Variants in CNTNAP2 observed in about 807,000 individuals in gnomAD.
The protein encoded by CNTNAP2 is contactin-associated protein-like 2.
In CNTNAP2, 98 loss-of-function variants were observed where a neutral mutation model predicts 155.2. The ratio of observed to expected loss-of-function variants is 0.63; its 90% CI spans 0.54 to 0.75. The LOEUF is 0.75. Among genes scored for constraint, CNTNAP2 ranks in the 30% least tolerant of loss-of-function variants. CNTNAP2 has a pLI of 0.00. For synonymous variants in CNTNAP2, 651 were observed against 631.2 expected (o/e 1.03, Z -0.47); for missense variants, 1,727 against 1,688.1 (o/e 1.02, Z -0.40).
Position 146,179,208 on chromosome 7 carries a change from T to C in CNTNAP2, c.97+62235T>C, listed in dbSNP as rs1011992366. Among the ~76,000 whole-genome samples, 6 of 152,262 alleles carry C rather than the reference T, an allele frequency of 3.9e-5. No homozygotes were observed. In the East Asian group the frequency reaches 7.7e-4, roughly 20 times the overall value. On this transcript the variant is annotated intron_variant, in intron 1 of 23. Coordinates refer to ENST00000361727, the MANE Select transcript of CNTNAP2 (RefSeq NM_014141.6). ...TGGTTTTGGAGTGGATAATGAAAGC[T>C]ATGATCAGATGAAAGTGTTGCAGAT...
At chr7:148,265,136 G>C (rs1444812277) in intron 20 of CNTNAP2, among the ~76,000 whole-genome samples, 1 of 152,222 alleles carries the variant, frequency 6.6e-6, no homozygotes, top group African/African-American at 2.4e-5. Flanking sequence ...TGCGGTGGCA[G>C]TTACCCATGG....
chr7:146,968,161 C>G (rs1402625287), intron 3 of CNTNAP2, among the ~76,000 whole-genome samples: 2 of 151,204 alleles, frequency 1.3e-5, no homozygotes, highest in Non-Finnish European at 3.0e-5. Context: ...GGATGAAGCC[C>G]ACTTGATCAT....
intron 1 of CNTNAP2, among the ~76,000 whole-genome samples, chr7:146,712,591 A>G (rs1034667609): frequency 2.0e-5 from 3 of 151,122 alleles, no homozygotes; most frequent in Non-Finnish European, 3.0e-5. Context: ...CAGTCTCTTC[A>G]CATATATGCC....
intron 1 of CNTNAP2, among the ~76,000 whole-genome samples, chr7:146,351,633 A>G (rs1794916448): frequency 6.6e-6 from 1 of 152,176 alleles, no homozygotes; most frequent in South Asian, 2.1e-4. Context: ...TTATGTTCAG[A>G]CAGTTGAATT....
rs192751411 is a variant in CNTNAP2 at position 148,345,317 on chromosome 7, G to A, written c.3476-38332G>A. Reference sequence around the variant, plus strand: ...AGCCTATAACCCACAGCATCTGGACGAATACTGAGCGCTGTCACTAGATTC... The same window carrying A: ...AGCCTATAACCCACAGCATCTGGACAAATACTGAGCGCTGTCACTAGATTC... On this transcript the variant is annotated intron_variant, in intron 21 of 23. Transcript: ENST00000361727. Among the ~76,000 whole-genome samples the A allele has an allele frequency of 1.9e-3, 291 of 152,080 alleles. 1 individual carries two copies. Among genetic ancestry groups the A allele is most frequent in the African/African-American group, 6.6e-3 (275 of 41,492 alleles).
rs559857757 is a variant in CNTNAP2, at chr7:147,536,014, C to T, written c.1778-26124C>T. ...CAGACAGGAAGAGGAGAGAAATCCA[C>T]ACATACTCACCCCAGTAGGGGAAGA... On this transcript the variant is annotated intron_variant, in intron 11 of 23. Transcript: ENST00000361727. 4.0e-4 allele frequency among the ~76,000 whole-genome samples: 61 copies of T among 152,278 alleles called. No homozygotes were observed. In the South Asian group the frequency reaches 8.7e-3, roughly 22 times the overall value.
intron 16 of CNTNAP2, chr7:148,133,568 C>T (rs1298221765): frequency 1.3e-5 from 2 of 152,322 alleles, no homozygotes; most frequent in East Asian, 3.9e-4. Flanking sequence ...GCTCCACCAT[C>T]GTCTAGAGCC....
At chr7:148,123,229 C>T (rs536103716) in intron 16 of CNTNAP2, among the ~76,000 whole-genome samples, 3 of 151,958 alleles carry the variant, frequency 2.0e-5, no homozygotes, top group African/African-American at 7.2e-5. Context: ...GATGAGATTG[C>T]CCAAAACAAA....
intron 3 of CNTNAP2, among the ~76,000 whole-genome samples, chr7:146,964,409 A>G (rs1797616195): frequency 6.6e-6 from 1 of 152,216 alleles, no homozygotes; most frequent in Non-Finnish European, 1.5e-5. Context: ...ATGTCTTAAT[A>G]GAAGACAGTA....
intron 10 of CNTNAP2, among the ~76,000 whole-genome samples, chr7:147,475,564 T>C (rs4726870): frequency 0.77 from 117,172 of 151,862 alleles, 45,493 homozygotes; most frequent in African/African-American, 0.85. Flanking sequence ...AAGAAAATGG[T>C]CCTTTGTCTA....
intron 3 of CNTNAP2, among the ~76,000 whole-genome samples, chr7:146,892,306 C>G (rs954345821): frequency 4.6e-5 from 7 of 152,116 alleles, no homozygotes; most frequent in Non-Finnish European, 1.0e-4. Flanking sequence ...TTTTCCATGA[C>G]ACAGGAAGTG....
intron 3 of CNTNAP2, among the ~76,000 whole-genome samples, chr7:146,932,967 G>A (rs1335286822): frequency 6.6e-6 from 1 of 152,128 alleles, no homozygotes; most frequent in Non-Finnish European, 1.5e-5. Flanking sequence ...AACATTCCAT[G>A]CTCATGGGTA....
chr7:147,376,757 T>G (rs1278124685), intron 9 of CNTNAP2, among the ~76,000 whole-genome samples: 1 of 151,924 alleles, frequency 6.6e-6, no homozygotes, highest in East Asian at 1.9e-4. Context: ...CACAATAACT[T>G]AATAACACAA....
intron 9 of CNTNAP2, among the ~76,000 whole-genome samples, chr7:147,313,274 C>T (rs564514186): frequency 4.6e-5 from 7 of 152,040 alleles, no homozygotes; most frequent in African/African-American, 1.7e-4. Context: ...TAATTAGATC[C>T]CATTTATCAA....
At chr7:147,746,086 G>A (rs925891713) in intron 13 of CNTNAP2, among the ~76,000 whole-genome samples, 8 of 152,166 alleles carry the variant, frequency 5.3e-5, no homozygotes, top group Non-Finnish European at 7.3e-5. Context: ...TGTGTAAATA[G>A]CACTGATGAA....
At chr7:148,260,029 C>T (rs1272242194) in intron 20 of CNTNAP2, among the ~76,000 whole-genome samples, 2 of 152,112 alleles carry the variant, frequency 1.3e-5, no homozygotes, top group African/African-American at 4.8e-5. Flanking sequence ...CACTTGGACC[C>T]CAAAGAAATT....
rs869052895 is a variant in CNTNAP2, at chr7:146,856,297, G to GATAGATAGATAC, written c.402+16396_402+16397insGATAGATACATA. Reference sequence around the variant, plus strand: ...AGATAGATAGATAGATAGATAGATAGATACATACATACATACATACATACA... The same window carrying GATAGATAGATAC: ...AGATAGATAGATAGATAGATAGATAGATAGATAGATACATACATACATACATACATACATACA... On this transcript the variant is annotated intron_variant, in intron 3 of 23. Coordinates refer to ENST00000361727, the MANE Select transcript of CNTNAP2 (RefSeq NM_014141.6). Among the ~76,000 whole-genome samples, 659 of 116,636 alleles carry GATAGATAGATAC rather than the reference G, an allele frequency of 5.7e-3. 2 individuals carry two copies. The highest frequency in any genetic ancestry group is 1.0e-2 in the East Asian group (37 of 3,718). The allele number at this position is 116,636 out of a possible 152,430, so 76.5% of individuals were successfully genotyped here.
At chr7:147,125,252 T>A (rs1005759129) in intron 6 of CNTNAP2, among the ~76,000 whole-genome samples, 1 of 152,104 alleles carries the variant, frequency 6.6e-6, no homozygotes, top group African/African-American at 2.4e-5. Flanking sequence ...CTTGGCCTCG[T>A]GATCTGCCCG....
intron 22 of CNTNAP2, among the ~76,000 whole-genome samples, chr7:148,393,523 T>A (rs1454824463): frequency 1.3e-5 from 2 of 152,224 alleles, no homozygotes; most frequent in African/African-American, 4.8e-5. Context: ...TTTAGTTGTA[T>A]CCCACCTTTT....
Sources: gnomAD v4.1 joint callset for allele counts (sites outside exome capture counted in the v4.1 genomes callset) on GRCh38, gnomAD v4.1.1 for gene constraint, MANE v1.5 for transcripts, NCBI Gene and HGNC (gene_info 2026-07-23, HGNC 2026-07-21) for gene names.